The following RIMS2 variants were observed in gnomAD, a reference collection of about 807,000 sequenced individuals.
RIMS2 encodes regulating synaptic membrane exocytosis 2.
In RIMS2, 59 loss-of-function variants were observed where a neutral mutation model predicts 174.4. That is an observed-to-expected ratio of 0.34 (90% CI 0.27 to 0.42). The LOEUF (loss-of-function observed/expected upper bound fraction) is 0.42. RIMS2 is among the 10% of genes least tolerant of loss of function. The pLI is 1.00. For missense variants in RIMS2, 1,620 were observed against 1,666.3 expected, an observed-to-expected ratio of 0.97 and a Z score of 0.48; for synonymous variants, 606 against 572.5, an observed-to-expected ratio of 1.06 and a Z score of -0.84.
At chr8:103,634,545 C>T (rs2096025650) in intron 1 of RIMS2, among the ~76,000 whole-genome samples, 1 of 152,186 alleles carries the variant, frequency 6.6e-6, no homozygotes, top group Non-Finnish European at 1.5e-5. Context: ...CCATTTGGTA[C>T]AATGCTGAGT....
chr8:104,101,060 A>G (rs1206089887), intron 19 of RIMS2, among the ~76,000 whole-genome samples: 1 of 143,942 alleles, frequency 6.9e-6, no homozygotes, highest in Non-Finnish European at 1.5e-5. Context: ...TACATATGTA[A>G]TATATGTTAT....
At chr8:104,014,212 A>G (rs1436598414) in intron 18 of RIMS2, among the ~76,000 whole-genome samples, 1 of 152,136 alleles carries the variant, frequency 6.6e-6, no homozygotes, top group East Asian at 1.9e-4. Context: ...GAGCAGCGAA[A>G]TTCTCCTCTT....
chr8:103,622,951 CT>C (rs1282324640), intron 1 of RIMS2, among the ~76,000 whole-genome samples: 1 of 152,210 alleles, frequency 6.6e-6, no homozygotes, highest in Non-Finnish European at 1.5e-5. Context: ...TCAAAGGAAC[CT>C]GCTGTCACAA....
chr8:104,046,553 A>T (rs999920093), intron 19 of RIMS2, among the ~76,000 whole-genome samples: 50 of 152,092 alleles, frequency 3.3e-4, no homozygotes, highest in African/African-American at 1.2e-3. Context: ...TTATAGTAGT[A>T]ATTTAATATA....
At chr8:103,778,777 G>T (rs565413605) in intron 3 of RIMS2, among the ~76,000 whole-genome samples, 30 of 152,178 alleles carry the variant, frequency 2.0e-4, no homozygotes, top group Non-Finnish European at 3.7e-4. Context: ...CAGTAGTGCA[G>T]TTGCTGGATC....
rs532865219 is a variant in RIMS2 at position 103,618,639 on chromosome 8, A to T, written c.177-78447A>T. On this transcript the variant is annotated intron_variant, in intron 1 of 23. Transcript: ENST00000504942. ...CCCATTTCCCACCCCTCTTCTTCTG[A>T]TTCCTCTAGAGAAAGTATTCCCTGA... Among the ~76,000 whole-genome samples, 3 of 152,194 alleles carry T rather than the reference A, an allele frequency of 2.0e-5. No homozygotes were observed. The East Asian group carries it at 5.8e-4, about 29-fold the overall frequency.
chr8:103,560,610 A>G (rs772626968), intron 1 of RIMS2, among the ~76,000 whole-genome samples: 4 of 152,222 alleles, frequency 2.6e-5, no homozygotes, highest in Non-Finnish European at 5.9e-5. Flanking sequence ...TAGCTCATAT[A>G]ATAATTCAAG....
intron 1 of RIMS2, among the ~76,000 whole-genome samples, chr8:103,592,842 A>G (rs2094324202): frequency 6.6e-6 from 1 of 151,418 alleles, no homozygotes; most frequent in Non-Finnish European, 1.5e-5. Context: ...TATTAATTTT[A>G]TTAAGTCTTG....
intron 2 of RIMS2, among the ~76,000 whole-genome samples, chr8:103,755,977 G>A (rs1377060954): frequency 6.6e-6 from 1 of 152,120 alleles, no homozygotes. Context: ...TGCTGGCGAG[G>A]GGCTGCAATC....
intron 17 of RIMS2, among the ~76,000 whole-genome samples, chr8:104,007,911 C>G (rs574183190): frequency 3.9e-5 from 6 of 152,202 alleles, no homozygotes; most frequent in Admixed American, 1.3e-4. Flanking sequence ...CTGCTACTGG[C>G]AGCAGGCAAC....
intron 1 of RIMS2, among the ~76,000 whole-genome samples, chr8:103,547,592 G>T (rs72677654): frequency 0.39 from 59,069 of 151,872 alleles, 11,885 homozygotes; most frequent in African/African-American, 0.45. Flanking sequence ...ACATCATAGC[G>T]AGAGGAACTA....
chr8:103,515,497 C>A (rs1322565657), intron 1 of RIMS2, among the ~76,000 whole-genome samples: 5 of 152,136 alleles, frequency 3.3e-5, no homozygotes, highest in Non-Finnish European at 1.5e-5. Context: ...CTTTTCCTTT[C>A]ATAGACAACA....
chr8:103,575,004 C>T (rs1205481569), intron 1 of RIMS2, among the ~76,000 whole-genome samples: 3 of 152,122 alleles, frequency 2.0e-5, no homozygotes, highest in African/African-American at 7.2e-5. Context: ...CTTGGCAGAG[C>T]CACAAGAATG....
intron 1 of RIMS2, among the ~76,000 whole-genome samples, chr8:103,651,613 A>T (rs1348394718): frequency 6.6e-6 from 1 of 152,136 alleles, no homozygotes; most frequent in Non-Finnish European, 1.5e-5. Context: ...ATTCATTTTC[A>T]GTCTGGAATA....
chr8:104,209,741 T>C (rs1468382697), intron 19 of RIMS2, among the ~76,000 whole-genome samples: 1 of 152,218 alleles, frequency 6.6e-6, no homozygotes, highest in African/African-American at 2.4e-5. Flanking sequence ...TCTGATAGAC[T>C]ATCTTGCAGA....
chr8:103,623,869 A>G (rs907996971), intron 1 of RIMS2, among the ~76,000 whole-genome samples: 2 of 151,942 alleles, frequency 1.3e-5, no homozygotes, highest in Non-Finnish European at 2.9e-5. Flanking sequence ...AGGGAGATCT[A>G]TCACATTAAC....
chr8:104,222,605 A>G (rs1466894042), intron 19 of RIMS2, among the ~76,000 whole-genome samples: 1 of 152,224 alleles, frequency 6.6e-6, no homozygotes, highest in African/African-American at 2.4e-5. Context: ...AAACGAAATT[A>G]AAGTTGCTTT....
intron 1 of RIMS2, among the ~76,000 whole-genome samples, chr8:103,513,126 T>C (rs1375915670): frequency 6.6e-6 from 1 of 152,214 alleles, no homozygotes; most frequent in Non-Finnish European, 1.5e-5. Context: ...CCAGAATGTA[T>C]GGGCTTGGAG....
At chr8:103,832,036 A>G (rs941824063) in intron 3 of RIMS2, among the ~76,000 whole-genome samples, 2 of 152,152 alleles carry the variant, frequency 1.3e-5, no homozygotes, top group African/African-American at 4.8e-5. Context: ...TTTTTGTCTC[A>G]ATAGTGAAAA....
Sources: gnomAD v4.1 joint callset for allele counts (sites outside exome capture counted in the v4.1 genomes callset) on GRCh38, gnomAD v4.1.1 for gene constraint, MANE v1.5 for transcripts, NCBI Gene and HGNC (gene_info 2026-07-23, HGNC 2026-07-21) for gene names.